RUFY4: variants seen among roughly 807,000 people sequenced by gnomAD.
RUFY4 encodes RUN and FYVE domain containing 4.
Under a neutral mutation model 69.0 loss-of-function variants are expected in RUFY4, and 73 were observed. The ratio of observed to expected loss-of-function variants is 1.06; its 90% confidence interval spans 0.88 to 1.29. RUFY4 has a LOEUF of 1.29. Ranked by LOEUF, RUFY4 falls within the 50% of genes most tolerant of loss-of-function variation. The pLI is 0.00. For synonymous variants in RUFY4, 287 were observed against 271.8 expected (o/e 1.06, Z -0.55); for missense variants, 770 against 705.6 (o/e 1.09, Z -1.03).
chr2:218,080,019 C>T (rs1205381867), intron 8 of RUFY4, among the ~76,000 whole-genome samples: 2 of 152,094 alleles, frequency 1.3e-5, no homozygotes, highest in Non-Finnish European at 2.9e-5. Context: ...AGCAGAAGCC[C>T]CAACCACATG....
chr2:218,070,275 CCT>C, upstream of RUFY4: 1 of 364,306 alleles, frequency 2.7e-6, no homozygotes, highest in Non-Finnish European at 5.3e-6. Context: ...TCTCCAATCC[CCT>C]GTTTCTCCTG....
intron 9 of RUFY4, among the ~76,000 whole-genome samples, chr2:218,085,338 C>T (rs962727532): frequency 3.3e-5 from 5 of 151,866 alleles, no homozygotes; most frequent in Admixed American, 2.0e-4. Flanking sequence ...ATGGAAAATA[C>T]GACCCTAAGC....
chr2:218,085,497 T>C (rs866977458), intron 9 of RUFY4, among the ~76,000 whole-genome samples: 1 of 152,110 alleles, frequency 6.6e-6, no homozygotes, highest in Non-Finnish European at 1.5e-5. Context: ...GAGAGAAAAG[T>C]GGAGGAGCTA....
intron 8 of RUFY4, among the ~76,000 whole-genome samples, chr2:218,078,619 T>C (rs1689690350): frequency 6.6e-6 from 1 of 152,210 alleles, no homozygotes; most frequent in South Asian, 2.1e-4. Flanking sequence ...CTTTTTTTAA[T>C]GTCAAAAAGA....
chr2:218,074,948 T>C, intron 6 of RUFY4, 145 bp from the exon 9 acceptor site: 1 of 891,240 alleles, frequency 1.1e-6, no homozygotes, highest in Non-Finnish European at 1.7e-6. Flanking sequence ...AGATTTGGGG[T>C]TTGATAAATC....
chr2:218,063,642 G>A (rs1382737293), intron 3 of RUFY4, among the ~76,000 whole-genome samples: 1 of 152,180 alleles, frequency 6.6e-6, no homozygotes, highest in Non-Finnish European at 1.5e-5. Context: ...AAGAGGAATA[G>A]GAAGAACCTC....
chr2:218,086,658 A>G (rs778833621), intron 9 of RUFY4, among the ~76,000 whole-genome samples: 2 of 152,202 alleles, frequency 1.3e-5, no homozygotes, highest in Non-Finnish European at 2.9e-5. Flanking sequence ...ATAGCCTTTC[A>G]TAGGAAGTTA....
chr2:218,037,319 C>CAAA lies in RUFY4; in HGVS notation c.-1158+1935_-1158+1937dup, dbSNP rs59819809. Among the ~76,000 whole-genome samples, 754 of 145,218 alleles carry CAAA rather than the reference C, an allele frequency of 5.2e-3. 7 individuals carry two copies. Among genetic ancestry groups the CAAA allele is most frequent in the African/African-American group, 0.018 (702 of 39,532 alleles). The stretch of plus-strand genomic sequence containing the variant: ...TGGGCAATAGTGCAAAACTCAGTCT[C>CAAA]AAAAAAAAAAAAGATAATAAACTGA... On this transcript the variant is annotated intron_variant and NMD_transcript_variant, in intron 2 of 13. Coordinates refer to the RUFY4 transcript ENST00000457754.
chr2:218,058,665 T>C (rs1689117200), exon 3 of RUFY4: 1 of 152,238 alleles, frequency 6.6e-6, no homozygotes, highest in Non-Finnish European at 1.5e-5. Context: ...AGTTTCATTC[T>C]GCTTCAGCTC....
At chr2:218,047,035 T>C (rs981017169) in intron 2 of RUFY4, among the ~76,000 whole-genome samples, 1 of 139,510 alleles carries the variant, frequency 7.2e-6, no homozygotes, top group Non-Finnish European at 1.5e-5. Flanking sequence ...AAAGTTTCAT[T>C]GTGGTTAAAA....
intron 2 of RUFY4, among the ~76,000 whole-genome samples, chr2:218,049,089 T>C (rs1688888906): frequency 6.6e-6 from 1 of 152,234 alleles, no homozygotes; most frequent in Non-Finnish European, 1.5e-5. Context: ...CTGTACTGGC[T>C]GGGGCACTAC....
At chr2:218,045,164 T>C (rs1459818858) in intron 2 of RUFY4, among the ~76,000 whole-genome samples, 1 of 152,202 alleles carries the variant, frequency 6.6e-6, no homozygotes, top group African/African-American at 2.4e-5. Flanking sequence ...GGTATCTTAT[T>C]TTTTGTGGTT....
At chr2:218,039,778 C>T (rs1959035385) in intron 2 of RUFY4, among the ~76,000 whole-genome samples, 1 of 152,204 alleles carries the variant, frequency 6.6e-6, no homozygotes, top group Non-Finnish European at 1.5e-5. Flanking sequence ...GGCCTATGCC[C>T]CCAGCCTCAG....
chr2:218,049,559 T>C (rs888941340), intron 2 of RUFY4, among the ~76,000 whole-genome samples: 2 of 151,538 alleles, frequency 1.3e-5, no homozygotes, highest in Admixed American at 1.3e-4. Context: ...CAGGCTGGAG[T>C]GCAATGGCAT....
intron 2 of RUFY4, among the ~76,000 whole-genome samples, chr2:218,050,490 G>A (rs1230416983): frequency 6.6e-6 from 1 of 152,142 alleles, no homozygotes; most frequent in African/African-American, 2.4e-5. Flanking sequence ...CCAAACTGTG[G>A]GAGGTGGGAA....
At chr2:218,065,080 G>A (rs1287722239), upstream of RUFY4, among the ~76,000 whole-genome samples, 5 of 152,300 alleles carry the variant, frequency 3.3e-5, no homozygotes, top group Middle Eastern at 3.4e-3. Flanking sequence ...GCCTGGGAAC[G>A]GGTGGAGAAT....
intron 2 of RUFY4, among the ~76,000 whole-genome samples, chr2:218,043,848 G>A (rs1688760073): frequency 6.6e-6 from 1 of 152,208 alleles, no homozygotes. Flanking sequence ...AGACGAAGGG[G>A]CACCTGCAGG....
intron 8 of RUFY4, among the ~76,000 whole-genome samples, chr2:218,078,149 G>A (rs961319739): frequency 1.3e-5 from 2 of 152,220 alleles, no homozygotes; most frequent in African/African-American, 4.8e-5. Flanking sequence ...AGTGGAGGAG[G>A]CAATAAAAGT....
At chr2:218,043,500 G>A (rs534983361) in intron 2 of RUFY4, among the ~76,000 whole-genome samples, 1 of 152,316 alleles carries the variant, frequency 6.6e-6, no homozygotes, top group South Asian at 2.1e-4. Context: ...AGAGAGAGTA[G>A]GTCCTCTCTG....
Sources: allele counts gnomAD v4.1 joint callset (sites outside exome capture counted in the v4.1 genomes callset), GRCh38; gene constraint gnomAD v4.1.1; transcripts MANE v1.5; gene names NCBI Gene and HGNC (gene_info 2026-07-23, HGNC 2026-07-21).